The following C2CD5 variants were observed in gnomAD, a reference collection of about 807,000 sequenced individuals.
C2CD5 encodes the protein C2 calcium dependent domain containing 5.
In C2CD5, 109 loss-of-function variants were observed where a neutral mutation model predicts 130.3. That is an observed-to-expected ratio of 0.84 (90% CI 0.72 to 0.98). The LOEUF is 0.98. Ranked by LOEUF, C2CD5 falls within the 50% of genes least tolerant of loss-of-function variation. The probability of loss-of-function intolerance (pLI) is 0.00; values close to 1 mark genes in which losing one functional copy is unlikely to be tolerated. For synonymous variants in C2CD5, 454 were observed against 429.2 expected (o/e 1.06, Z -0.71); for missense variants, 996 against 1,261.8 (o/e 0.79, Z 3.19).
Position 22,484,860 on chromosome 12 carries a change from C to T in C2CD5, c.1387G>A (p.Gly463Arg). 6.4e-7 allele frequency: 1 copy of T among 1,558,876 alleles called. No homozygotes were observed. The highest frequency in any genetic ancestry group is 8.7e-7 in the Non-Finnish European group (1 of 1,154,126). Residue 463 changes from glycine (G) to arginine (R), a missense_variant, in exon 13 of 27, where the codon GGA becomes AGA. Gly to Arg is a moderately radical substitution (Grantham distance 125). Around this residue, in one of 9 missense-constraint regions of C2CD5, gnomAD observed 590 missense variants for 631.4 expected, o/e 0.93. Coordinates refer to ENST00000446597, the MANE Select transcript of C2CD5 (RefSeq NM_001286176.2). The part of the protein sequence containing the change: ...RLEENLPTRC[G>R]FCHIPYDELN... ...TCATCATATGGTATATGACAAAATC[C>T]ACAACGTGTAGGCAAATTTTCTTCA...
intron 9 of C2CD5, among the ~76,000 whole-genome samples, chr12:22,507,263 G>A (rs1395583529): frequency 1.3e-5 from 2 of 152,278 alleles, no homozygotes; most frequent in East Asian, 3.9e-4. Context: ...GGGGCCAAGG[G>A]ATCTAAATGA....
At chr12:22,478,784 T>A (rs1177644437) in intron 14 of C2CD5, among the ~76,000 whole-genome samples, 2 of 151,636 alleles carry the variant, frequency 1.3e-5, no homozygotes. Flanking sequence ...AGGCAGAGGT[T>A]GCAGTGAGTC....
chr12:22,467,636 G>T (rs1942304016), intron 22 of C2CD5, among the ~76,000 whole-genome samples: 1 of 152,140 alleles, frequency 6.6e-6, no homozygotes, highest in Admixed American at 6.5e-5. Flanking sequence ...TAAGCAATTG[G>T]TCCAAGTTCT....
At chr12:22,496,941 T>C (rs1947095377) in intron 10 of C2CD5, among the ~76,000 whole-genome samples, 1 of 152,100 alleles carries the variant, frequency 6.6e-6, no homozygotes, top group Non-Finnish European at 1.5e-5. Context: ...CTCGATATCT[T>C]GCCATCTTTT....
intron 8 of C2CD5, among the ~76,000 whole-genome samples, chr12:22,516,569 AAGAAAC>A (rs1025629412): frequency 3.3e-5 from 5 of 150,970 alleles, no homozygotes; most frequent in African/African-American, 1.2e-4. Flanking sequence ...TTAAAAAAAA[AAGAAAC>A]AAGAAACAAG....
intron 12 of C2CD5, among the ~76,000 whole-genome samples, chr12:22,489,060 G>A (rs1047781230): frequency 6.6e-6 from 1 of 151,584 alleles, no homozygotes; most frequent in African/African-American, 2.4e-5. Flanking sequence ...ATTTTTAGTG[G>A]AGACGGGGTT....
chr12:22,531,496 T>A (rs748289256), intron 3 of C2CD5, among the ~76,000 whole-genome samples: 13 of 152,210 alleles, frequency 8.5e-5, no homozygotes, highest in Non-Finnish European at 1.5e-4. Flanking sequence ...TATGTCCAAC[T>A]GATTTTTTTT....
Position 22,474,781 on chromosome 12 carries a change from T to A in C2CD5, c.2013A>T (p.Ser671=). The A allele has an allele frequency of 6.2e-7, 1 of 1,605,662 alleles. No individual in the cohort carries two copies. Among genetic ancestry groups the A allele is most frequent in the Non-Finnish European group, 8.5e-7 (1 of 1,176,102 alleles). ...SSDEVTELDL[S]HGKKDAFVLE... The stretch of plus-strand genomic sequence containing the variant: ...AAACAAAAGCATCTTTTTTCCCATG[T>A]GAAAGGTCTAATTCTGTAACTTCAT... The change falls in exon 16 of 27, where the codon TCA becomes TCT. Residue 671 remains serine, a synonymous_variant. Transcript: ENST00000446597.
intron 10 of C2CD5, among the ~76,000 whole-genome samples, chr12:22,502,287 T>C (rs1947897384): frequency 6.6e-6 from 1 of 152,132 alleles, no homozygotes; most frequent in Non-Finnish European, 1.5e-5. Context: ...TGCTAACAGT[T>C]ACACTTTTAC....
intron 15 of C2CD5, among the ~76,000 whole-genome samples, chr12:22,477,523 T>A (rs953461525): frequency 1.3e-5 from 2 of 152,210 alleles, no homozygotes; most frequent in Non-Finnish European, 2.9e-5. Flanking sequence ...TTTATTTTTT[T>A]AATTATACTT....
chr12:22,471,260 G>A, intron 20 of C2CD5, 139 bp downstream of exon 20: 2 of 605,918 alleles, frequency 3.3e-6, no homozygotes, highest in South Asian at 2.3e-5. Flanking sequence ...ATGGCCTAAT[G>A]CATACTAACA....
At chr12:22,520,795 A>G (rs1950201268) in intron 7 of C2CD5, among the ~76,000 whole-genome samples, 1 of 152,136 alleles carries the variant, frequency 6.6e-6, no homozygotes, top group Admixed American at 6.5e-5. Context: ...AAGCTGGAAA[A>G]CACCAAAGGG....
chr12:22,453,598 A>C (rs548289453), intron 26 of C2CD5, among the ~76,000 whole-genome samples: 4 of 152,290 alleles, frequency 2.6e-5, no homozygotes, highest in Admixed American at 2.6e-4. Flanking sequence ...AGCTCTCCTC[A>C]GTTAGCTATC....
intron 23 of C2CD5, among the ~76,000 whole-genome samples, chr12:22,459,216 CA>C (rs1349765995): frequency 6.6e-6 from 1 of 151,998 alleles, no homozygotes; most frequent in Non-Finnish European, 1.5e-5. Context: ...CTTTTAAAAA[CA>C]ATAACTTTTA....
chr12:22,453,781 A>C, intron 26 of C2CD5, 115 bp downstream of exon 26: 1 of 837,536 alleles, frequency 1.2e-6, no homozygotes, highest in Non-Finnish European at 1.9e-6. Flanking sequence ...TATCTTACGC[A>C]TCTAGACTCA....
chr12:22,490,012 C>T (rs1394580029), intron 12 of C2CD5, 111 bp downstream of exon 12: 2 of 698,904 alleles, frequency 2.9e-6, no homozygotes, highest in Admixed American at 2.5e-5. Flanking sequence ...GATTTCTACA[C>T]TGTACCCCTG....
chr12:22,482,532 C>G (rs1259983503), intron 14 of C2CD5, 25 bp downstream of exon 14: 17 of 1,598,622 alleles, frequency 1.1e-5, no homozygotes, highest in Admixed American at 3.5e-5. Flanking sequence ...AATCATAAAA[C>G]AAAACCAAAA....
At chr12:22,511,229 GA>G (rs1225940678) in intron 9 of C2CD5, among the ~76,000 whole-genome samples, 4 of 148,194 alleles carry the variant, frequency 2.7e-5, no homozygotes, top group African/African-American at 9.9e-5. Flanking sequence ...CAAAGGGATA[GA>G]AACGAATATT....
Position 22,527,910 on chromosome 12 carries a change from A to G in C2CD5, c.178-18T>C, listed in dbSNP as rs201717123. 1.4e-3 allele frequency: 2,161 copies of G among 1,547,704 alleles called. 8 individuals are homozygous for G. Among genetic ancestry groups the G allele is most frequent in the South Asian group, 4.4e-3 (372 of 84,530 alleles). The stretch of plus-strand genomic sequence containing the variant: ...TCATCCACCTACAAGTATACCTTAA[A>G]ATTAAAACTCATATAGTTTTTAAAT... On this transcript the variant is annotated intron_variant, in intron 3 of 26. Transcript: ENST00000446597.
Sources: allele counts gnomAD v4.1 joint callset (sites outside exome capture counted in the v4.1 genomes callset), GRCh38; gene constraint gnomAD v4.1.1; regional missense constraint gnomAD v4.1.1; transcripts MANE v1.5; gene names NCBI Gene and HGNC (gene_info 2026-07-23, HGNC 2026-07-21).